ANO1: variants seen among roughly 807,000 people sequenced by gnomAD.
ANO1 encodes anoctamin 1, also known as anoctamin-1.
Under a neutral mutation model 124.0 loss-of-function variants are expected in ANO1, and 59 were observed. The observed-to-expected ratio is 0.48, with a 90% CI of 0.39 to 0.59. The LOEUF is 0.59. ANO1 is among the 20% of genes least tolerant of loss of function. The pLI is 0.00. For missense variants in ANO1, 1,059 were observed against 1,328.0 expected, an observed-to-expected ratio of 0.80 and a Z score of 3.15; for synonymous variants, 529 against 532.0, an observed-to-expected ratio of 0.99 and a Z score of 0.08.
At chr11:70,036,546 C>A (rs1432582523) in intron 1 of ANO1, among the ~76,000 whole-genome samples, 2 of 149,032 alleles carry the variant, frequency 1.3e-5, no homozygotes, top group Admixed American at 6.7e-5. Context: ...GGCTGAGGAC[C>A]CTCTCTCTTC....
At chr11:70,055,267 A>G (rs1555006692) in intron 1 of ANO1, among the ~76,000 whole-genome samples, 1 of 152,070 alleles carries the variant, frequency 6.6e-6, no homozygotes, top group Non-Finnish European at 1.5e-5. Context: ...GATTTCCTGA[A>G]AGAGTTGTGT....
chr11:70,152,416 G>A lies in ANO1; in HGVS notation c.1342-34G>A, dbSNP rs1400783998. On this transcript the variant is annotated intron_variant, in intron 12 of 25. Transcript: ENST00000355303. ...TAACAACCTAAGTAATGACATCTTTGTGTTTTTGTTTTTACTTTTCTGGTT... is the reference window on the plus strand; with the variant it reads ...TAACAACCTAAGTAATGACATCTTTATGTTTTTGTTTTTACTTTTCTGGTT... The A allele has an allele frequency of 8.7e-6, 14 of 1,602,068 alleles. No homozygotes were observed. The South Asian group carries it at 1.2e-4, about 14-fold the overall frequency.
At chr11:70,016,262 A>G (rs1856702538) in intron 1 of ANO1, among the ~76,000 whole-genome samples, 1 of 152,068 alleles carries the variant, frequency 6.6e-6, no homozygotes, top group Admixed American at 6.5e-5. Flanking sequence ...TGCTGACCTC[A>G]TGGTCCACCC....
intron 1 of ANO1, among the ~76,000 whole-genome samples, chr11:70,059,746 A>T (rs533340422): frequency 6.3e-4 from 96 of 152,286 alleles, no homozygotes; most frequent in African/African-American, 2.2e-3. Flanking sequence ...CGTAGAAGTG[A>T]TCATGAAGGA....
At position 70,189,117 on chromosome 11, in the gene ANO1, C is replaced by T. The variant is rs2049263474; in HGVS notation, c.*1113C>T. ...TTTAAAAGTGTATAAAACCAAGTCTCATAAATGATATGAGTGATCTAAATT... is the reference window on the plus strand; with the variant it reads ...TTTAAAAGTGTATAAAACCAAGTCTTATAAATGATATGAGTGATCTAAATT... On this transcript the variant is annotated 3_prime_UTR_variant, in exon 26 of 26. Transcript: ENST00000355303. The T allele has an allele frequency of 6.6e-6, 1 of 152,560 alleles. No individual in the cohort carries two copies. The highest frequency in any genetic ancestry group is 1.5e-5 in the Non-Finnish European group (1 of 68,026). 9.5% of individuals were successfully genotyped at this position (152,560 alleles called of 1,614,324 possible).
chr11:70,062,831 T>C (rs749280092), intron 1 of ANO1, among the ~76,000 whole-genome samples: 2 of 152,204 alleles, frequency 1.3e-5, no homozygotes, highest in Non-Finnish European at 2.9e-5. Flanking sequence ...ACGAGCACTC[T>C]GTAAATATTG....
intron 1 of ANO1, among the ~76,000 whole-genome samples, chr11:70,035,468 C>A (rs1271258872): frequency 6.6e-6 from 1 of 151,654 alleles, no homozygotes; most frequent in African/African-American, 2.4e-5. Flanking sequence ...TGACCTTTGT[C>A]CTATTCTTGC....
intron 21 of ANO1, among the ~76,000 whole-genome samples, chr11:70,168,030 C>T (rs551234262): frequency 2.0e-5 from 3 of 152,292 alleles, no homozygotes; most frequent in Admixed American, 6.5e-5. Flanking sequence ...ACCCAGGGAT[C>T]GAGCCTTACC....
chr11:70,185,172 C>T (rs1299461298), intron 24 of ANO1, among the ~76,000 whole-genome samples: 1 of 152,152 alleles, frequency 6.6e-6, no homozygotes, highest in South Asian at 2.1e-4. Flanking sequence ...GGAACCCCCC[C>T]GACTTCAACC....
intron 1 of ANO1, among the ~76,000 whole-genome samples, chr11:70,003,008 A>G (rs1554999585): frequency 7.0e-6 from 1 of 142,960 alleles, no homozygotes; most frequent in African/African-American, 2.6e-5. Flanking sequence ...ACTGTCGAGG[A>G]AAAATTTTTA....
chr11:70,124,581 G>A (rs1364433901), intron 9 of ANO1, among the ~76,000 whole-genome samples, 167 bp downstream of exon 9: 1 of 152,214 alleles, frequency 6.6e-6, no homozygotes, highest in Non-Finnish European at 1.5e-5. Context: ...CTGAGAGCCT[G>A]GGCCAGCATT....
upstream of ANO1, among the ~76,000 whole-genome samples, chr11:69,983,196 C>T (rs1274828153): frequency 1.3e-5 from 2 of 152,036 alleles, no homozygotes; most frequent in Admixed American, 1.3e-4. Context: ...TCTGATCATG[C>T]TCCGGCTTGG....
chr11:70,118,839 G>T lies in ANO1; in HGVS notation c.897+2340G>T, dbSNP rs554569369. On this transcript the variant is annotated intron_variant, in intron 8 of 25. Transcript: ENST00000355303. ...AATGGTGGATGATGGGTGGGTGTGTGGATGGGTGGCTGATGGAAGGATGAA... is the reference window on the plus strand; with the variant it reads ...AATGGTGGATGATGGGTGGGTGTGTTGATGGGTGGCTGATGGAAGGATGAA... 4.8e-4 allele frequency among the ~76,000 whole-genome samples: 73 copies of T among 151,678 alleles called. 1 individual carries two copies. The highest frequency in any genetic ancestry group is 1.6e-3 in the African/African-American group (68 of 41,320).
intron 1 of ANO1, among the ~76,000 whole-genome samples, chr11:70,029,646 C>T (rs1388023570): frequency 6.6e-6 from 1 of 152,248 alleles, no homozygotes; most frequent in Non-Finnish European, 1.5e-5. Flanking sequence ...GTCCCGCTTC[C>T]TGCAACGACT....
chr11:70,173,219 C>T (rs1400146939), intron 22 of ANO1, among the ~76,000 whole-genome samples: 1 of 152,188 alleles, frequency 6.6e-6, no homozygotes, highest in Non-Finnish European at 1.5e-5. Context: ...GGCAGCTTCA[C>T]ATTTGCACTG....
chr11:70,179,086 A>G (rs746427899), intron 22 of ANO1, among the ~76,000 whole-genome samples: 6 of 152,216 alleles, frequency 3.9e-5, no homozygotes, highest in Non-Finnish European at 8.8e-5. Context: ...CTACTAGGGC[A>G]GAAGCGCTAT....
At chr11:69,970,760 G>A in the ANO1 span, among the ~76,000 whole-genome samples, 1 of 152,310 alleles carries the variant, frequency 6.6e-6, no homozygotes, top group South Asian at 2.1e-4. Flanking sequence ...TCAAGAGGTG[G>A]GCATTCCAGG....
chr11:69,977,736 A>T, the ANO1 span, among the ~76,000 whole-genome samples: 1 of 152,236 alleles, frequency 6.6e-6, no homozygotes, highest in Admixed American at 6.5e-5. Context: ...GGAGTCCCCC[A>T]GATGACTGCA....
At position 70,161,196 on chromosome 11, in the gene ANO1, C is replaced by A; in HGVS notation, c.1614C>A (p.Ile538=). The part of the protein sequence containing the change: ...AVTFAIVLGV[I]IYRISMAAAL... ...CGTTTGCCATCGTCCTCGGCGTCAT[C>A]ATCTACAGAATCTCCATGGCCGCCG... The change falls in exon 17 of 26, where the codon ATC becomes ATA. Residue 538 remains isoleucine, a synonymous_variant. Coordinates refer to ENST00000355303, the MANE Select transcript of ANO1 (RefSeq NM_018043.7). 6.2e-7 allele frequency: 1 copy of A among 1,613,908 alleles called. No homozygotes were observed. Among genetic ancestry groups the A allele is most frequent in the Non-Finnish European group, 8.5e-7 (1 of 1,179,836 alleles).
Sources: allele counts gnomAD v4.1 joint callset (sites outside exome capture counted in the v4.1 genomes callset), GRCh38; gene constraint gnomAD v4.1.1; transcripts MANE v1.5; gene names NCBI Gene and HGNC (gene_info 2026-07-23, HGNC 2026-07-21).